SGCZ: variants seen among roughly 807,000 people sequenced by gnomAD.
SGCZ encodes sarcoglycan zeta, also known as zeta-sarcoglycan.
A neutral mutation model predicts 41.3 loss-of-function variants in SGCZ; 40 were observed. The ratio of observed to expected loss-of-function variants is 0.97; its 90% confidence interval spans 0.75 to 1.26. The LOEUF is 1.26. SGCZ is among the 50% of genes most tolerant of loss of function. The pLI is 0.00. For missense variants in SGCZ, 552 were observed against 369.8 expected (o/e 1.49, Z -4.04); for synonymous variants, 206 against 137.5 (o/e 1.50, Z -3.49).
chr8:14,851,792 A>G (rs764380374), intron 1 of SGCZ, among the ~76,000 whole-genome samples: 10 of 152,112 alleles, frequency 6.6e-5, no homozygotes, highest in Non-Finnish European at 1.5e-4. Context: ...AATACTTTCC[A>G]GGGAATCTAA....
intron 3 of SGCZ, among the ~76,000 whole-genome samples, chr8:14,254,468 A>G (rs1249808710): frequency 6.6e-6 from 1 of 152,224 alleles, no homozygotes; most frequent in East Asian, 1.9e-4. Flanking sequence ...GGATATAGTC[A>G]GATGTTATCT....
At chr8:14,661,205 C>A (rs1204363913) in intron 1 of SGCZ, among the ~76,000 whole-genome samples, 3 of 152,056 alleles carry the variant, frequency 2.0e-5, no homozygotes, top group Non-Finnish European at 4.4e-5. Context: ...ATAATATACT[C>A]ATTAAAATGG....
intron 1 of SGCZ, among the ~76,000 whole-genome samples, chr8:15,170,108 G>A (rs1257299658): frequency 6.7e-6 from 1 of 149,372 alleles, no homozygotes. Context: ...CTGTCAATAT[G>A]ATAGATGATC....
intron 2 of SGCZ, among the ~76,000 whole-genome samples, chr8:14,350,839 C>T (rs1402882220): frequency 1.3e-5 from 2 of 152,104 alleles, no homozygotes; most frequent in Admixed American, 6.6e-5. Context: ...CATGAACTTG[C>T]ATTATTATTG....
intron 1 of SGCZ, among the ~76,000 whole-genome samples, chr8:14,896,756 C>T (rs1417344981): frequency 2.0e-5 from 3 of 151,056 alleles, no homozygotes; most frequent in Admixed American, 1.3e-4. Flanking sequence ...GGATTACAGG[C>T]GTGGGCCACC....
intron 1 of SGCZ, among the ~76,000 whole-genome samples, chr8:15,209,203 G>T (rs1430037966): frequency 2.6e-5 from 4 of 151,996 alleles, no homozygotes; most frequent in Non-Finnish European, 4.4e-5. Flanking sequence ...AATTTGTGTT[G>T]CATTGTCTTA....
intron 2 of SGCZ, among the ~76,000 whole-genome samples, chr8:14,535,178 T>A (rs1034353487): frequency 6.6e-6 from 1 of 151,988 alleles, no homozygotes; most frequent in Admixed American, 6.6e-5. Context: ...TTATGAGTTA[T>A]TTAGATTTGA....
chr8:14,332,401 A>G (rs1404796489), intron 2 of SGCZ, among the ~76,000 whole-genome samples: 2 of 152,208 alleles, frequency 1.3e-5, no homozygotes, highest in Non-Finnish European at 2.9e-5. Flanking sequence ...AGATCGCGCC[A>G]CTGCACTCCA....
intron 1 of SGCZ, among the ~76,000 whole-genome samples, chr8:15,016,187 C>T (rs62493670): frequency 0.059 from 9,048 of 152,232 alleles, 300 homozygotes; most frequent in East Asian, 0.13. Flanking sequence ...AAGCGCCTTA[C>T]ATGGACTTAC....
chr8:14,979,507 T>C (rs904896559), intron 1 of SGCZ, among the ~76,000 whole-genome samples: 1 of 152,240 alleles, frequency 6.6e-6, no homozygotes, highest in Admixed American at 6.5e-5. Context: ...GTCTTTCTGC[T>C]ACAGTTGTTC....
intron 1 of SGCZ, among the ~76,000 whole-genome samples, chr8:14,790,015 A>C (rs1800896974): frequency 6.6e-6 from 1 of 152,216 alleles, no homozygotes; most frequent in Non-Finnish European, 1.5e-5. Context: ...TATAAATAAT[A>C]AATGTAAATT....
intron 1 of SGCZ, among the ~76,000 whole-genome samples, chr8:14,796,725 C>A (rs1388612250): frequency 6.6e-6 from 1 of 152,140 alleles, no homozygotes; most frequent in African/African-American, 2.4e-5. Context: ...CTGTATTAGC[C>A]ATGTGTCCCC....
chr8:15,134,029 A>G (rs984646722), intron 1 of SGCZ, among the ~76,000 whole-genome samples: 1 of 152,172 alleles, frequency 6.6e-6, no homozygotes, highest in Non-Finnish European at 1.5e-5. Context: ...CAGCTTAAGT[A>G]TGTGCTGATT....
At chr8:15,237,256 C>CCCCG (rs1396539397) in intron 1 of SGCZ, among the ~76,000 whole-genome samples, 1 of 151,986 alleles carries the variant, frequency 6.6e-6, no homozygotes, top group African/African-American at 2.4e-5. Context: ...GCCGCTGCCC[C>CCCCG]CCCCGGGGAG....
At chr8:14,501,958 G>A (rs916642676) in intron 2 of SGCZ, among the ~76,000 whole-genome samples, 1 of 151,934 alleles carries the variant, frequency 6.6e-6, no homozygotes, top group Non-Finnish European at 1.5e-5. Flanking sequence ...AGAAAATGAA[G>A]CGAAAAGTAT....
chr8:14,980,561 C>A (rs1321635129), intron 1 of SGCZ, among the ~76,000 whole-genome samples: 1 of 152,138 alleles, frequency 6.6e-6, no homozygotes, highest in Non-Finnish European at 1.5e-5. Context: ...GAGGAAGCCT[C>A]ACAATCATGG....
chr8:14,866,639 G>A (rs553724044), intron 1 of SGCZ, among the ~76,000 whole-genome samples: 4 of 151,832 alleles, frequency 2.6e-5, no homozygotes, highest in South Asian at 4.2e-4. Context: ...GCAAAACACC[G>A]CCTCTACAAA....
chr8:14,922,374 A>T (rs1373615940), intron 1 of SGCZ, among the ~76,000 whole-genome samples: 1 of 152,208 alleles, frequency 6.6e-6, no homozygotes, highest in Non-Finnish European at 1.5e-5. Flanking sequence ...ACAGAAAAAA[A>T]TTATTTATAT....
At chr8:15,100,433 A>G (rs187509575) in intron 1 of SGCZ, among the ~76,000 whole-genome samples, 1 of 152,212 alleles carries the variant, frequency 6.6e-6, no homozygotes, top group Non-Finnish European at 1.5e-5. Context: ...ACCGCAAAAT[A>G]CTGATGAAAG....
Sources: gnomAD v4.1 joint callset for allele counts (sites outside exome capture counted in the v4.1 genomes callset) on GRCh38, gnomAD v4.1.1 for gene constraint, MANE v1.5 for transcripts, NCBI Gene and HGNC (gene_info 2026-07-23, HGNC 2026-07-21) for gene names.